FAT3: variants seen among roughly 807,000 people sequenced by gnomAD.
FAT3 encodes FAT atypical cadherin 3.
Under a neutral mutation model 310.2 loss-of-function variants are expected in FAT3, and 95 were observed. That is an observed-to-expected ratio of 0.31 (90% CI 0.26 to 0.36). The LOEUF (loss-of-function observed/expected upper bound fraction) is 0.36. FAT3 is among the 10% of genes least tolerant of loss of function. The pLI is 1.00. For missense variants in FAT3, 5,408 were observed against 5,715.6 expected (o/e 0.95, Z 1.74); for synonymous variants, 2,314 against 2,192.9 (o/e 1.06, Z -1.54).
chr11:92,456,399 A>G (rs570850964), intron 2 of FAT3, among the ~76,000 whole-genome samples: 1 of 152,328 alleles, frequency 6.6e-6, no homozygotes, highest in East Asian at 1.9e-4. Context: ...GTAGTCAAAG[A>G]CAGTAGTTTT....
At chr11:92,497,515 A>C (rs182009096) in intron 2 of FAT3, among the ~76,000 whole-genome samples, 401 of 152,072 alleles carry the variant, frequency 2.6e-3, no homozygotes, top group African/African-American at 9.1e-3. Context: ...TCTCATCTCC[A>C]TCTTATAAAG....
At chr11:92,564,716 C>A (rs1955365547) in intron 3 of FAT3, among the ~76,000 whole-genome samples, 1 of 151,722 alleles carries the variant, frequency 6.6e-6, no homozygotes, top group Admixed American at 6.6e-5. Context: ...CAAACTAGAA[C>A]TCAGGATTAA....
At chr11:92,464,367 A>T (rs945475035) in intron 2 of FAT3, among the ~76,000 whole-genome samples, 2 of 152,126 alleles carry the variant, frequency 1.3e-5, no homozygotes, top group African/African-American at 4.8e-5. Flanking sequence ...ACCATCTTCA[A>T]ATATCTGAAG....
chr11:92,829,833 G>A (rs1419726078), intron 13 of FAT3, among the ~76,000 whole-genome samples: 12 of 152,118 alleles, frequency 7.9e-5, no homozygotes, highest in Non-Finnish European at 1.6e-4. Context: ...CCAAGAACAG[G>A]CTCTCAGTGT....
intron 2 of FAT3, among the ~76,000 whole-genome samples, chr11:92,390,939 A>C (rs979730956): frequency 6.6e-6 from 1 of 152,172 alleles, no homozygotes; most frequent in Non-Finnish European, 1.5e-5. Context: ...TTTGAATGGC[A>C]GATTAGGGTT....
chr11:92,790,717 C>T (rs2136157747), intron 8 of FAT3, among the ~76,000 whole-genome samples: 1 of 152,316 alleles, frequency 6.6e-6, no homozygotes, highest in East Asian at 1.9e-4. Flanking sequence ...TCAATACATG[C>T]TCAAGCCTAC....
chr11:92,349,576 A>G (rs1338627355), intron 1 of FAT3, among the ~76,000 whole-genome samples: 1 of 152,178 alleles, frequency 6.6e-6, no homozygotes, highest in Non-Finnish European at 1.5e-5. Flanking sequence ...TTTTCTTAAT[A>G]AAGTTTCCTT....
intron 1 of FAT3, among the ~76,000 whole-genome samples, chr11:92,311,004 G>A (rs1565217604): frequency 2.0e-5 from 3 of 150,394 alleles, no homozygotes; most frequent in African/African-American, 7.3e-5. Context: ...ATATGTGTAT[G>A]TATATATATA....
chr11:92,406,209 T>A (rs941370298), intron 2 of FAT3, among the ~76,000 whole-genome samples: 1 of 152,202 alleles, frequency 6.6e-6, no homozygotes, highest in Non-Finnish European at 1.5e-5. Flanking sequence ...AGTTCAGTTT[T>A]TGTTTTTTAA....
chr11:92,815,061 G>A (rs1947787307), intron 13 of FAT3, among the ~76,000 whole-genome samples: 1 of 152,086 alleles, frequency 6.6e-6, no homozygotes, highest in Admixed American at 6.6e-5. Flanking sequence ...GCCTGATTGT[G>A]GTTGTTTGTG....
intron 2 of FAT3, among the ~76,000 whole-genome samples, chr11:92,410,035 A>C (rs1028615211): frequency 6.6e-6 from 1 of 152,216 alleles, no homozygotes; most frequent in African/African-American, 2.4e-5. Flanking sequence ...AATGCATGAG[A>C]TGAACAAGGG....
At chr11:92,748,938 A>G (rs1321180598) in intron 4 of FAT3, 1 of 152,204 alleles carries the variant, frequency 6.6e-6, no homozygotes, top group Non-Finnish European at 1.5e-5. Flanking sequence ...CTTTCCAGAA[A>G]TGGCAGGAAG....
At chr11:92,569,427 T>C (rs1190471186) in intron 3 of FAT3, among the ~76,000 whole-genome samples, 1 of 152,146 alleles carries the variant, frequency 6.6e-6, no homozygotes, top group Non-Finnish European at 1.5e-5. Context: ...AAATGACATA[T>C]CAGGCTTTTG....
intron 3 of FAT3, among the ~76,000 whole-genome samples, chr11:92,568,182 C>G (rs1005456020): frequency 6.6e-6 from 1 of 152,048 alleles, no homozygotes. Flanking sequence ...TGCAAATCAA[C>G]CTGTTAGTAG....
chr11:92,378,763 G>C (rs1949417230), intron 2 of FAT3, among the ~76,000 whole-genome samples: 1 of 152,198 alleles, frequency 6.6e-6, no homozygotes, highest in Non-Finnish European at 1.5e-5. Context: ...ATTACTAGAG[G>C]CTTGGAAGTC....
chr11:92,523,583 C>A (rs1232282855), intron 2 of FAT3, among the ~76,000 whole-genome samples: 2 of 152,152 alleles, frequency 1.3e-5, no homozygotes, highest in Non-Finnish European at 2.9e-5. Context: ...AACAGGAATA[C>A]AGAGGATAGA....
At chr11:92,750,021 A>T (rs1374630960) in intron 4 of FAT3, among the ~76,000 whole-genome samples, 3 of 152,228 alleles carry the variant, frequency 2.0e-5, no homozygotes, top group Admixed American at 2.0e-4. Flanking sequence ...GCCAGAGATG[A>T]CCAGCCTATG....
At chr11:92,577,930 G>A (rs1179100532) in intron 3 of FAT3, among the ~76,000 whole-genome samples, 1 of 152,074 alleles carries the variant, frequency 6.6e-6, no homozygotes, top group East Asian at 1.9e-4. Context: ...AAGATAGAGA[G>A]AGACAGATGG....
In FAT3 at chr11:92,890,679, T is replaced by C. The variant is rs773475230; in HGVS notation, c.13336T>C (p.Leu4446=). The change falls in exon 28 of 28, where the codon TTG becomes CTG. Residue 4446 remains leucine (L), a synonymous_variant. Transcript: ENST00000525166. The part of the protein sequence containing the change: ...EYPPPHEEEF[L]SQDQLPPPLP... ...CCCACCCCCTCATGAAGAGGAGTTC[T>C]TGAGTCAGGACCAGCTGCCTCCTCC... 9.3e-6 allele frequency: 15 copies of C among 1,613,680 alleles called. No homozygotes were observed. The South Asian group carries it at 1.6e-4, about 18-fold the overall frequency.
Sources: gnomAD v4.1 joint callset for allele counts (sites outside exome capture counted in the v4.1 genomes callset) on GRCh38, gnomAD v4.1.1 for gene constraint, MANE v1.5 for transcripts, NCBI Gene and HGNC (gene_info 2026-07-23, HGNC 2026-07-21) for gene names.